The following MCTP2 variants were observed in gnomAD, a reference collection of about 807,000 sequenced individuals.
MCTP2 encodes multiple C2 and transmembrane domain containing 2, also known as multiple C2 and transmembrane domain-containing protein 2.
A neutral mutation model predicts 111.6 loss-of-function variants in MCTP2; 132 were observed. The ratio of observed to expected loss-of-function variants is 1.18; its 90% CI spans 1.03 to 1.37. The LOEUF (loss-of-function observed/expected upper bound fraction) is 1.37, where lower values mean the gene tolerates loss of function less well. MCTP2 is among the 40% of genes most tolerant of loss of function. The probability of loss-of-function intolerance (pLI) is 0.00; values close to 1 mark genes in which losing one functional copy is unlikely to be tolerated. For synonymous variants in MCTP2, 395 were observed against 387.7 expected (o/e 1.02, Z -0.22); for missense variants, 1,183 against 1,067.9 (o/e 1.11, Z -1.50).
intron 10 of MCTP2, among the ~76,000 whole-genome samples, chr15:94,364,187 G>GT (rs34787892): frequency 0.14 from 20,747 of 151,332 alleles, 1,695 homozygotes; most frequent in African/African-American, 0.2. Flanking sequence ...GTAAATAAAG[G>GT]TTTTTTTTGG....
At chr15:94,400,779 G>A (rs1427367364) in intron 16 of MCTP2, among the ~76,000 whole-genome samples, 1 of 151,994 alleles carries the variant, frequency 6.6e-6, no homozygotes, top group East Asian at 1.9e-4. Context: ...TTTGGGGTGA[G>A]CAGCTGTGGA....
chr15:94,462,978 T>G (rs2085307806), intron 20 of MCTP2, among the ~76,000 whole-genome samples: 1 of 152,214 alleles, frequency 6.6e-6, no homozygotes, highest in Admixed American at 6.5e-5. Flanking sequence ...TCCCCTGCCT[T>G]CCTTCTAAAC....
chr15:94,335,430 T>G (rs1440384621), intron 4 of MCTP2, among the ~76,000 whole-genome samples: 1 of 152,190 alleles, frequency 6.6e-6, no homozygotes, highest in African/African-American at 2.4e-5. Context: ...AAAATGAAAG[T>G]CACTTATTGT....
At chr15:94,392,731 G>A (rs1045194427) in intron 14 of MCTP2, among the ~76,000 whole-genome samples, 12 of 151,766 alleles carry the variant, frequency 7.9e-5, no homozygotes, top group Admixed American at 3.3e-4. Flanking sequence ...CAGGAGAATC[G>A]CCTGAACCTG....
Position 94,340,812 on chromosome 15 carries a change from G to A in MCTP2, c.858-1G>A, listed in dbSNP as rs2077597403. The A allele has an allele frequency of 1.3e-6, 2 of 1,596,700 alleles. No homozygotes were observed. The highest frequency in any genetic ancestry group is 8.6e-7 in the Non-Finnish European group (1 of 1,165,722). ...CATTATTTGTTGCTTTTTGCTTGTA[G>A]AACAACTGAACATATTTTAAAACTG... On this transcript the variant is annotated splice_acceptor_variant, in intron 6 of 22. Coordinates refer to ENST00000357742, the MANE Select transcript of MCTP2 (RefSeq NM_001385001.1). LOFTEE classifies it high-confidence loss of function.
At chr15:94,476,940 G>T in intron 22 of MCTP2, 147 bp downstream of exon 22, 1 of 574,118 alleles carries the variant, frequency 1.7e-6, no homozygotes, top group Non-Finnish European at 3.1e-6. Flanking sequence ...GCAGAGAAGT[G>T]GCAGAAAAAT....
At chr15:94,316,321 T>C (rs2076376116) in intron 4 of MCTP2, among the ~76,000 whole-genome samples, 1 of 152,238 alleles carries the variant, frequency 6.6e-6, no homozygotes, top group African/African-American at 2.4e-5. Flanking sequence ...CTTCTGTCTT[T>C]GCACTATAAA....
intron 1 of MCTP2, among the ~76,000 whole-genome samples, chr15:94,268,821 G>A (rs1304014905): frequency 6.9e-6 from 1 of 144,938 alleles, no homozygotes; most frequent in Non-Finnish European, 1.5e-5. Context: ...AGTCAGCTCT[G>A]AGATGACTAC....
At chr15:94,313,201 C>A (rs294557) in intron 2 of MCTP2, among the ~76,000 whole-genome samples, 1 of 151,894 alleles carries the variant, frequency 6.6e-6, no homozygotes, top group Non-Finnish European at 1.5e-5. Flanking sequence ...TTGCCCATGT[C>A]CCCCCTCCAC....
intron 17 of MCTP2, chr15:94,402,257 A>G (rs2081635582): frequency 1.0e-6 from 1 of 971,914 alleles, no homozygotes; most frequent in Non-Finnish European, 1.2e-6. Flanking sequence ...AGTTGTTGTT[A>G]CAGCTACATT....
At chr15:94,432,826 A>G (rs764171090) in intron 17 of MCTP2, among the ~76,000 whole-genome samples, 5 of 152,208 alleles carry the variant, frequency 3.3e-5, no homozygotes, top group African/African-American at 4.8e-5. Flanking sequence ...TCTTAAGATA[A>G]TTTCAAATGA....
At chr15:94,464,259 A>AT (rs1555481437) in intron 20 of MCTP2, among the ~76,000 whole-genome samples, 429 of 42,102 alleles carry the variant, frequency 0.01, 16 homozygotes, top group East Asian at 0.096. Flanking sequence ...TATATATATT[A>AT]TATATATATA....
At chr15:94,244,685 T>G (rs895290590) in intron 1 of MCTP2, among the ~76,000 whole-genome samples, 3 of 148,578 alleles carry the variant, frequency 2.0e-5, no homozygotes, top group Non-Finnish European at 3.0e-5. Flanking sequence ...TATGTTTATA[T>G]ACGTATATGT....
At chr15:94,295,385 C>T (rs1035382612) in intron 1 of MCTP2, among the ~76,000 whole-genome samples, 2 of 152,100 alleles carry the variant, frequency 1.3e-5, no homozygotes, top group Non-Finnish European at 2.9e-5. Context: ...CTCGATAGCT[C>T]TCATTACTTG....
At chr15:94,398,234 A>T (rs76806686) in intron 14 of MCTP2, among the ~76,000 whole-genome samples, 13,091 of 152,118 alleles carry the variant, frequency 0.086, 690 homozygotes, top group Non-Finnish European at 0.12. Flanking sequence ...AAGCTGATTT[A>T]TTTACTTAAT....
intron 4 of MCTP2, among the ~76,000 whole-genome samples, chr15:94,333,463 A>G (rs1308910434): frequency 6.6e-6 from 1 of 152,070 alleles, no homozygotes; most frequent in East Asian, 1.9e-4. Context: ...AGCAAAGAGA[A>G]GTTGTTTGTA....
chr15:94,326,825 C>G (rs1396484253), intron 4 of MCTP2, among the ~76,000 whole-genome samples: 4 of 104,474 alleles, frequency 3.8e-5, no homozygotes, highest in South Asian at 4.5e-4. Context: ...CCCACCCCCC[C>G]CCAACCTCGG....
chr15:94,443,415 TCTC>T (rs1333993236), intron 19 of MCTP2, among the ~76,000 whole-genome samples: 2 of 152,224 alleles, frequency 1.3e-5, no homozygotes, highest in Non-Finnish European at 2.9e-5. Flanking sequence ...TCCTTTTCCT[TCTC>T]CTGGGAGAAT....
chr15:94,422,929 C>T (rs973716139), intron 17 of MCTP2, among the ~76,000 whole-genome samples: 5 of 152,164 alleles, frequency 3.3e-5, no homozygotes, highest in African/African-American at 1.2e-4. Context: ...CTCCAGGGCT[C>T]AAGGGATCCT....
Sources: gnomAD v4.1 joint callset for allele counts (sites outside exome capture counted in the v4.1 genomes callset) on GRCh38, gnomAD v4.1.1 for gene constraint, MANE v1.5 for transcripts, NCBI Gene and HGNC (gene_info 2026-07-23, HGNC 2026-07-21) for gene names.